GRXCR1: variants seen among roughly 807,000 people sequenced by gnomAD.
GRXCR1 encodes glutaredoxin and cysteine rich domain containing 1.
In GRXCR1, 27 loss-of-function variants were observed where a neutral mutation model predicts 27.3. The ratio of observed to expected loss-of-function variants is 0.99; its 90% confidence interval spans 0.73 to 1.37. The LOEUF (loss-of-function observed/expected upper bound fraction) is 1.37, where lower values mean the gene tolerates loss of function less well. Among genes scored for constraint, GRXCR1 ranks in the 40% most tolerant of loss-of-function variants. GRXCR1 has a pLI of 0.00. For missense variants in GRXCR1, 379 were observed against 354.4 expected (o/e 1.07, Z -0.56); for synonymous variants, 122 against 131.1 (o/e 0.93, Z 0.47).
At chr4:43,017,357 T>C (rs540222484) in intron 2 of GRXCR1, among the ~76,000 whole-genome samples, 2 of 152,224 alleles carry the variant, frequency 1.3e-5, no homozygotes, top group East Asian at 3.9e-4. Flanking sequence ...ATGGAAAGAG[T>C]ATAGGTTTTG....
At chr4:42,968,624 C>T (rs1367176375) in intron 2 of GRXCR1, among the ~76,000 whole-genome samples, 1 of 152,050 alleles carries the variant, frequency 6.6e-6, no homozygotes, top group Non-Finnish European at 1.5e-5. Flanking sequence ...CCATTCTTAG[C>T]ACAGGTCTTC....
chr4:43,010,325 C>T (rs943539530), intron 2 of GRXCR1, among the ~76,000 whole-genome samples: 1 of 151,658 alleles, frequency 6.6e-6, no homozygotes, highest in Non-Finnish European at 1.5e-5. Context: ...ATTGCTTGAA[C>T]CTGGGAGGCA....
intron 1 of GRXCR1, among the ~76,000 whole-genome samples, chr4:42,954,314 A>G (rs976007000): frequency 2.0e-5 from 3 of 152,112 alleles, no homozygotes; most frequent in African/African-American, 7.2e-5. Flanking sequence ...TGAGTAATGG[A>G]ATTTCTAGGA....
At chr4:43,018,094 G>C (rs916862441) in intron 2 of GRXCR1, among the ~76,000 whole-genome samples, 6 of 152,218 alleles carry the variant, frequency 3.9e-5, no homozygotes, top group Non-Finnish European at 7.3e-5. Flanking sequence ...CTTGTCCCCT[G>C]TAGGATCTTG....
intron 1 of GRXCR1, among the ~76,000 whole-genome samples, chr4:42,905,180 A>G (rs1450908): frequency 0.29 from 44,755 of 151,960 alleles, 7,168 homozygotes; most frequent in African/African-American, 0.41. Context: ...TGGATTCCTT[A>G]ATATTAACTT....
At chr4:42,958,671 G>T (rs1226384433) in intron 1 of GRXCR1, among the ~76,000 whole-genome samples, 6 of 151,796 alleles carry the variant, frequency 4.0e-5, no homozygotes, top group Non-Finnish European at 8.8e-5. Context: ...TATAGATAAG[G>T]GGTTAATATC....
At chr4:43,003,951 A>T (rs1712468452) in intron 2 of GRXCR1, among the ~76,000 whole-genome samples, 1 of 152,256 alleles carries the variant, frequency 6.6e-6, no homozygotes, top group African/African-American at 2.4e-5. Context: ...GAATATTAAT[A>T]GCAAAGACAA....
intron 1 of GRXCR1, among the ~76,000 whole-genome samples, chr4:42,937,342 G>T (rs539807829): frequency 0.017 from 2,634 of 151,056 alleles, 50 homozygotes; most frequent in African/African-American, 0.047. Context: ...CTCACCTTGT[G>T]TTTTTTTTCT....
chr4:43,026,348 C>G (rs1713258631), intron 3 of GRXCR1, among the ~76,000 whole-genome samples: 1 of 152,174 alleles, frequency 6.6e-6, no homozygotes, highest in Non-Finnish European at 1.5e-5. Context: ...CATGGCTAGG[C>G]ATGACTAAAT....
chr4:42,994,133 G>T (rs919728909), intron 2 of GRXCR1, among the ~76,000 whole-genome samples: 38 of 152,126 alleles, frequency 2.5e-4, no homozygotes, highest in African/African-American at 9.2e-4. Context: ...CATTGTTCTT[G>T]CAGATTAGCA....
At chr4:42,921,469 C>T (rs746189659) in intron 1 of GRXCR1, among the ~76,000 whole-genome samples, 4 of 151,952 alleles carry the variant, frequency 2.6e-5, no homozygotes, top group Non-Finnish European at 5.9e-5. Flanking sequence ...ACTAAATATC[C>T]AACTGCAGGA....
intron 2 of GRXCR1, among the ~76,000 whole-genome samples, chr4:42,992,379 C>T (rs934554006): frequency 6.6e-6 from 1 of 152,048 alleles, no homozygotes; most frequent in Non-Finnish European, 1.5e-5. Flanking sequence ...CTCTGCACAC[C>T]AAAGTCACTC....
chr4:42,959,191 A>G (rs1336398022), intron 1 of GRXCR1, among the ~76,000 whole-genome samples: 1 of 152,016 alleles, frequency 6.6e-6, no homozygotes, highest in African/African-American at 2.4e-5. Context: ...TTTAATGGAT[A>G]AATTAATAAA....
chr4:43,024,768 T>G (rs1239202165), intron 3 of GRXCR1, among the ~76,000 whole-genome samples: 1 of 152,148 alleles, frequency 6.6e-6, no homozygotes, highest in Non-Finnish European at 1.5e-5. Flanking sequence ...ATTTAAGAGT[T>G]TGCTGAATTA....
chr4:43,012,179 G>A (rs1315695580), intron 2 of GRXCR1, among the ~76,000 whole-genome samples: 1 of 152,132 alleles, frequency 6.6e-6, no homozygotes, highest in Non-Finnish European at 1.5e-5. Context: ...TGACTCTTTA[G>A]AGAGCCTAGC....
In GRXCR1 at chr4:42,988,770, G is replaced by A. The variant is rs892448989; in HGVS notation, c.627+25636G>A. On this transcript the variant is annotated intron_variant, in intron 2 of 3. Transcript: ENST00000399770. ...CTTTGCCACCACAAACTTGTACTGC[G>A]ACTGAGAAAATGAGGCAAGTGTATA... Among the ~76,000 whole-genome samples, 4 of 152,180 alleles carry A rather than the reference G, an allele frequency of 2.6e-5. No homozygotes were observed. In the South Asian group the frequency reaches 6.2e-4, roughly 24 times the overall value.
intron 1 of GRXCR1, among the ~76,000 whole-genome samples, chr4:42,895,843 T>C (rs776149075): frequency 3.9e-5 from 6 of 152,028 alleles, no homozygotes; most frequent in Non-Finnish European, 7.4e-5. Flanking sequence ...TATTATTCAG[T>C]TATTCCTATA....
In GRXCR1 at chr4:42,962,984, T is replaced by A. The variant is rs764474055; in HGVS notation, c.477T>A (p.Val159=). The A allele has an allele frequency of 2.0e-5, 32 of 1,612,758 alleles. No individual in the cohort carries two copies. The highest frequency in any genetic ancestry group is 2.6e-5 in the Non-Finnish European group (31 of 1,179,170). ...VRTTFERCEL[V]RKIFQNHRVK... ...CAACCTTTGAAAGATGTGAACTGGT[T>A]AGAAAGATTTTCCAAAACCATCGCG... is the stretch of plus-strand genomic sequence containing the variant. The change falls in exon 2 of 4, where the codon GTT becomes GTA. Residue 159 remains valine, a synonymous_variant. Transcript: ENST00000399770.
At chr4:42,914,316 C>T (rs1202893075) in intron 1 of GRXCR1, among the ~76,000 whole-genome samples, 1 of 152,222 alleles carries the variant, frequency 6.6e-6, no homozygotes, top group African/African-American at 2.4e-5. Context: ...CTGCCCAAGG[C>T]CATGGGAGCC....
Sources: allele counts gnomAD v4.1 joint callset (sites outside exome capture counted in the v4.1 genomes callset), GRCh38; gene constraint gnomAD v4.1.1; transcripts MANE v1.5; gene names NCBI Gene and HGNC (gene_info 2026-07-23, HGNC 2026-07-21).